The following PEAK1 variants were observed in gnomAD, a reference collection of about 807,000 sequenced individuals.
PEAK1 encodes inactive tyrosine-protein kinase PEAK1.
A neutral mutation model predicts 124.7 loss-of-function variants in PEAK1; 54 were observed. The ratio of observed to expected loss-of-function variants is 0.43; its 90% confidence interval spans 0.35 to 0.54. The LOEUF is 0.54. Ranked by LOEUF, PEAK1 falls within the 20% of genes least tolerant of loss-of-function variation. The probability of loss-of-function intolerance (pLI) is 0.01; values close to 1 mark genes in which losing one functional copy is unlikely to be tolerated. For missense variants in PEAK1, 2,046 were observed against 2,134.5 expected, an observed-to-expected ratio of 0.96 and a Z score of 0.82; for synonymous variants, 719 against 760.0, an observed-to-expected ratio of 0.95 and a Z score of 0.89.
intron 7 of PEAK1, among the ~76,000 whole-genome samples, chr15:77,169,538 A>T (rs1034575694): frequency 6.6e-6 from 1 of 152,210 alleles, no homozygotes; most frequent in Admixed American, 6.5e-5. Context: ...ACCACTAAAA[A>T]TGGTATTTGT....
chr15:77,418,768 TGCAGAGA>T (rs1243531520), intron 1 of PEAK1: 43 of 985,278 alleles, frequency 4.4e-5, no homozygotes, highest in Non-Finnish European at 5.2e-5. Flanking sequence ...ACTTCCACAC[TGCAGAGA>T]GCAATATGGG....
chr15:77,165,179 G>A (rs2055990597), intron 7 of PEAK1, among the ~76,000 whole-genome samples: 1 of 150,650 alleles, frequency 6.6e-6, no homozygotes, highest in South Asian at 2.1e-4. Flanking sequence ...GGGATTACAG[G>A]TGTGAGCCAC....
intron 2 of PEAK1, among the ~76,000 whole-genome samples, chr15:77,301,734 G>C (rs1264582439): frequency 6.6e-6 from 1 of 152,118 alleles, no homozygotes; most frequent in Non-Finnish European, 1.5e-5. Flanking sequence ...TTTCTGTACT[G>C]CACTCATTGA....
Position 77,109,189 on chromosome 15 carries a change from G to A in PEAK1, c.*4967C>T, listed in dbSNP as rs947310951. The A allele has an allele frequency of 1.3e-5, 2 of 151,992 alleles. No individual in the cohort carries two copies. The highest frequency in any genetic ancestry group is 1.5e-5 in the Non-Finnish European group (1 of 68,018). The allele number at this position is 151,992 out of a possible 1,614,324, so 9.4% of individuals were successfully genotyped here. ...CCATATCTCTTTAAAAAAATCTTCC[G>A]CTCTCAGTATTATATGATGTTCTCA... On this transcript the variant is annotated 3_prime_UTR_variant, in exon 10 of 10. Coordinates refer to ENST00000682557, the MANE Select transcript of PEAK1 (RefSeq NM_001385026.1).
intron 2 of PEAK1, chr15:77,352,247 G>A: frequency 1.0e-6 from 1 of 985,308 alleles, no homozygotes; most frequent in Non-Finnish European, 1.2e-6. Flanking sequence ...TTAGATCAAG[G>A]CAGTAGGATT....
chr15:77,301,396 G>C (rs1414056667), intron 2 of PEAK1, among the ~76,000 whole-genome samples: 1 of 152,130 alleles, frequency 6.6e-6, no homozygotes, highest in Non-Finnish European at 1.5e-5. Flanking sequence ...AAAGACATCT[G>C]CAGAGGCACT....
At chr15:77,349,367 A>G in intron 2 of PEAK1, 1 of 983,858 alleles carries the variant, frequency 1.0e-6, no homozygotes, top group Non-Finnish European at 1.2e-6. Flanking sequence ...TTAAAGTCAC[A>G]CTACAAAGAC....
intron 2 of PEAK1, among the ~76,000 whole-genome samples, chr15:77,307,745 CT>C (rs1264369440): frequency 6.6e-6 from 1 of 151,998 alleles, no homozygotes; most frequent in Non-Finnish European, 1.5e-5. Flanking sequence ...GTACTTCCCC[CT>C]CTCAACAAAA....
intron 7 of PEAK1, among the ~76,000 whole-genome samples, chr15:77,172,276 G>T (rs1238743914): frequency 6.6e-6 from 1 of 152,160 alleles, no homozygotes; most frequent in African/African-American, 2.4e-5. Context: ...AGTTAATGCA[G>T]ATCCTCTAAA....
intron 5 of PEAK1, among the ~76,000 whole-genome samples, chr15:77,274,568 T>C (rs2062209581): frequency 6.6e-6 from 1 of 152,016 alleles, no homozygotes; most frequent in African/African-American, 2.4e-5. Flanking sequence ...AGATACTACC[T>C]TACTCCTGCA....
intron 5 of PEAK1, among the ~76,000 whole-genome samples, chr15:77,261,057 G>A (rs1364708146): frequency 6.6e-6 from 1 of 152,178 alleles, no homozygotes; most frequent in Non-Finnish European, 1.5e-5. Flanking sequence ...CTGCAGCTGA[G>A]GGTCCTGACT....
intron 7 of PEAK1, among the ~76,000 whole-genome samples, chr15:77,172,255 T>C (rs1279778773): frequency 6.6e-6 from 1 of 152,220 alleles, no homozygotes; most frequent in Non-Finnish European, 1.5e-5. Context: ...TTGGAAATTA[T>C]TGGTTTACTG....
At chr15:77,392,975 C>T (rs2070601506) in intron 1 of PEAK1, among the ~76,000 whole-genome samples, 1 of 152,212 alleles carries the variant, frequency 6.6e-6, no homozygotes, top group East Asian at 1.9e-4. Context: ...AAAGAGAGCA[C>T]ACCGCTTGTG....
intron 6 of PEAK1, among the ~76,000 whole-genome samples, chr15:77,215,822 T>C (rs2059125174): frequency 6.6e-6 from 1 of 152,210 alleles, no homozygotes; most frequent in African/African-American, 2.4e-5. Flanking sequence ...GCCTAACACG[T>C]GTAACAAACA....
chr15:77,196,012 T>A (rs2058085172), intron 6 of PEAK1, among the ~76,000 whole-genome samples: 2 of 152,236 alleles, frequency 1.3e-5, no homozygotes, highest in Admixed American at 1.3e-4. Flanking sequence ...AGCCTTGCTA[T>A]CCCTGTATAA....
At chr15:77,364,760 G>A (rs1023377399) in intron 2 of PEAK1, among the ~76,000 whole-genome samples, 2 of 152,218 alleles carry the variant, frequency 1.3e-5, no homozygotes, top group South Asian at 2.1e-4. Flanking sequence ...TCAAGTCCAA[G>A]AGAGTAGAGT....
chr15:77,325,521 T>C (rs2065516203), intron 2 of PEAK1, among the ~76,000 whole-genome samples: 1 of 152,156 alleles, frequency 6.6e-6, no homozygotes. Context: ...TGTCAAGCGC[T>C]TTTATATAGA....
At chr15:77,260,745 G>A (rs147978058) in intron 5 of PEAK1, among the ~76,000 whole-genome samples, 1,622 of 152,280 alleles carry the variant, frequency 0.011, 18 homozygotes, top group Non-Finnish European at 0.017. Context: ...TATGATTTCT[G>A]CATTTCCAAC....
chr15:77,420,628 A>AAG (rs2142245302), upstream of PEAK1: 1 of 375,646 alleles, frequency 2.7e-6, no homozygotes, highest in South Asian at 1.5e-4. Context: ...TCGCAATAAA[A>AAG]AAAAAAAAAC....
Sources: gnomAD v4.1 joint callset for allele counts (sites outside exome capture counted in the v4.1 genomes callset) on GRCh38, gnomAD v4.1.1 for gene constraint, MANE v1.5 for transcripts, NCBI Gene and HGNC (gene_info 2026-07-23, HGNC 2026-07-21) for gene names.